Variants in CCDC117 observed in about 807,000 individuals in gnomAD.
The protein encoded by CCDC117 is coiled-coil domain containing 117, also known as coiled-coil domain-containing protein 117.
A neutral mutation model predicts 23.5 loss-of-function variants in CCDC117; 1 was observed. The observed-to-expected ratio is 0.04, with a 90% CI of 0.02 to 0.20. CCDC117 has a LOEUF of 0.20. CCDC117 is among the 10% of genes least tolerant of loss of function. The pLI is 1.00. For missense variants in CCDC117, 383 were observed against 348.2 expected (o/e 1.10, Z -0.80); for synonymous variants, 132 against 124.8 (o/e 1.06, Z -0.39).
rs1475984977 is a variant in CCDC117 at position 28,772,955 on chromosome 22, G to A, written c.106G>A (p.Ala36Thr). Residue 36 changes from alanine (A) to threonine (T), a missense_variant, in exon 1 of 5, where the codon GCT (alanine) becomes ACT (threonine). Ala to Thr is a moderately conservative substitution (Grantham distance 58). Coordinates refer to ENST00000249064, the MANE Select transcript of CCDC117 (RefSeq NM_173510.4). ...CCCCGGCCGGGCCTTCCCGCCGGGG[G>A]CTGACGGCGCCGAGTTGGCCCCGCG... ...AFPGRAFPPG[A>T]DGAELAPRPG... 6 of 1,213,852 alleles carry A rather than the reference G, an allele frequency of 4.9e-6. No individual in the cohort carries two copies. In the East Asian group the frequency reaches 1.3e-4, roughly 27 times the overall value. 75.2% of individuals were successfully genotyped at this position (1,213,852 alleles called of 1,614,324 possible). A position where few individuals can be genotyped will look rare whatever the true frequency, so the allele number is the denominator to read the frequency against.
chr22:28,780,730 T>TA (rs1008491183), intron 2 of CCDC117, among the ~76,000 whole-genome samples: 5 of 152,182 alleles, frequency 3.3e-5, no homozygotes, highest in Admixed American at 3.3e-4. Flanking sequence ...GGCAGAATCT[T>TA]ACAGGTGCAT....
intron 3 of CCDC117, 111 bp from the exon 4 acceptor site, chr22:28,783,397 A>G: frequency 9.7e-7 from 1 of 1,033,046 alleles, no homozygotes; most frequent in Admixed American, 2.5e-5. Flanking sequence ...CTATTGCTGT[A>G]TTACTTACTG....
At chr22:28,785,846 C>T (rs2031493974) in intron 4 of CCDC117, among the ~76,000 whole-genome samples, 1 of 151,522 alleles carries the variant, frequency 6.6e-6, no homozygotes, top group African/African-American at 2.4e-5. Flanking sequence ...TTGCTTGACC[C>T]CAGGAGTTAA....
At position 28,789,207 on chromosome 22, in the gene CCDC117, C is replaced by A. The variant is rs540551835; in HGVS notation, c.*2881C>A. 1 of 152,218 alleles carries A rather than the reference C, an allele frequency of 6.6e-6. No homozygotes were observed. The highest frequency in any genetic ancestry group is 2.4e-5 in the African/African-American group (1 of 41,542). 9.4% of individuals were successfully genotyped at this position (152,218 alleles called of 1,614,324 possible). ...AGAATGGTTCAGTTCTAGGAATGTT[C>A]TGGAAGATGCTGTTAATTTTACTTT... On this transcript the variant is annotated 3_prime_UTR_variant, in exon 5 of 5. Coordinates refer to ENST00000249064, the MANE Select transcript of CCDC117 (RefSeq NM_173510.4).
Position 28,782,991 on chromosome 22 carries a change from AT to A in CCDC117, c.465-515del, listed in dbSNP as rs747171360. Among the ~76,000 whole-genome samples, 6 of 151,912 alleles carry A rather than the reference AT, an allele frequency of 3.9e-5. No homozygotes were observed. In the East Asian group the frequency reaches 1.2e-3, roughly 29 times the overall value. ...TTCTCTGAAATATTATTCAGATTTG[AT>A]TATATGTAAAACTTTTTCGTTAAAT... On this transcript the variant is annotated intron_variant, in intron 3 of 4. Coordinates refer to ENST00000249064, the MANE Select transcript of CCDC117 (RefSeq NM_173510.4).
rs2031502902 is a variant in CCDC117, at chr22:28,786,175, A to G, written c.689A>G (p.Asn230Ser). 1.9e-6 allele frequency: 3 copies of G among 1,614,138 alleles called. No homozygotes were observed. The highest frequency in any genetic ancestry group is 2.5e-6 in the Non-Finnish European group (3 of 1,179,992). ...CCAAAGCCATCCTCTAATACTAAGAACTATACAGGAGAGAGCCAAGCTAAG... is the reference window on the plus strand; with the variant it reads ...CCAAAGCCATCCTCTAATACTAAGAGCTATACAGGAGAGAGCCAAGCTAAG... ...DKPKPSSNTK[N>S]YTGESQAKHV... The change falls in exon 5 of 5, where the codon AAC becomes AGC. Residue 230 changes from asparagine (N) to serine (S), a missense_variant. Coordinates refer to ENST00000249064, the MANE Select transcript of CCDC117 (RefSeq NM_173510.4).
chr22:28,774,765 G>C (rs1051042435), intron 2 of CCDC117, among the ~76,000 whole-genome samples: 2 of 151,954 alleles, frequency 1.3e-5, no homozygotes, highest in African/African-American at 4.8e-5. Flanking sequence ...AATTTACCAA[G>C]TTCACAAGTG....
At chr22:28,775,308 GT>G (rs1900772340) in intron 2 of CCDC117, among the ~76,000 whole-genome samples, 1 of 152,106 alleles carries the variant, frequency 6.6e-6, no homozygotes, top group African/African-American at 2.4e-5. Flanking sequence ...GTAGGACTTG[GT>G]GTAGATAATT....
intron 2 of CCDC117, among the ~76,000 whole-genome samples, chr22:28,775,739 A>C (rs1489541008): frequency 2.0e-5 from 3 of 152,052 alleles, no homozygotes. Context: ...TCTGCTAAAA[A>C]TACAAAAATT....
intron 1 of CCDC117, 36 bp downstream of exon 1, chr22:28,773,070 C>CA (rs569198478): frequency 0.02 from 1,317 of 64,952 alleles, 18 homozygotes; most frequent in African/African-American, 0.12. Flanking sequence ...GCAGGGCGGG[C>CA]GGGCGGGCGG....
chr22:28,781,335 G>GTT lies in CCDC117; in HGVS notation c.464+195_464+196dup, dbSNP rs1179781447. Among the ~76,000 whole-genome samples the GTT allele has an allele frequency of 3.2e-3, 48 of 14,822 alleles. 17 individuals carry two copies. The highest frequency in any genetic ancestry group is 0.011 in the South Asian group (2 of 190). 9.7% of individuals were successfully genotyped at this position (14,822 alleles called of 152,430 possible). On this transcript the variant is annotated intron_variant, in intron 3 of 4. Transcript: ENST00000249064. The stretch of plus-strand genomic sequence containing the variant: ...GTATTCGTTTTTGTTTTTTTGTTTT[G>GTT]TTTTTTTTTTTTTTTTTTTTTTTTT...
Position 28,787,811 on chromosome 22 carries a change from G to A in CCDC117, c.*1485G>A, listed in dbSNP as rs764612293. ...ATAATGCCCTTCCATCACACAACAG[G>A]ACACCACCCCAGTTTTGTTTTCTGG... On this transcript the variant is annotated 3_prime_UTR_variant, in exon 5 of 5. Transcript: ENST00000249064. 9.9e-5 allele frequency: 15 copies of A among 152,186 alleles called. No homozygotes were observed. The highest frequency in any genetic ancestry group is 1.5e-4 in the Non-Finnish European group (10 of 67,994). The allele number at this position is 152,186 out of a possible 1,614,324, so 9.4% of individuals were successfully genotyped here.
chr22:28,783,695 C>T (rs201017004), intron 4 of CCDC117, 50 bp downstream of exon 4: 1 of 1,562,702 alleles, frequency 6.4e-7, no homozygotes, highest in Non-Finnish European at 8.8e-7. Context: ...GGAGGGAAGA[C>T]CCAATGTCTA....
At chr22:28,775,217 C>T (rs534668148) in intron 2 of CCDC117, among the ~76,000 whole-genome samples, 4 of 152,170 alleles carry the variant, frequency 2.6e-5, no homozygotes, top group South Asian at 2.1e-4. Context: ...GCCAAGATTG[C>T]GCCATTGCAC....
Position 28,781,158 on chromosome 22 carries a change from G to T in CCDC117, c.450G>T (p.Gln150His). The change falls in exon 3 of 5, where the codon CAG becomes CAT. Residue 150 changes from glutamine (Q) to histidine (H), a missense_variant. Physicochemically the swap from Gln to His is conservative, Grantham distance 24. Coordinates refer to ENST00000249064, the MANE Select transcript of CCDC117 (RefSeq NM_173510.4). ...GTGAAGTTGCCCGAAGGAAGCTTCA[G>T]GAGATTGAGGACAGGTAAATGGGCA... is the stretch of plus-strand genomic sequence containing the variant. ...PQCEVARRKL[Q>H]EIEDRIIDED... The T allele has an allele frequency of 6.2e-7, 1 of 1,611,742 alleles. No individual in the cohort carries two copies. Among genetic ancestry groups the T allele is most frequent in the Non-Finnish European group, 8.5e-7 (1 of 1,178,124 alleles).
At chr22:28,779,167 A>G (rs1173809094) in intron 2 of CCDC117, among the ~76,000 whole-genome samples, 5 of 151,506 alleles carry the variant, frequency 3.3e-5, no homozygotes, top group Non-Finnish European at 7.4e-5. Flanking sequence ...AAGTATAACT[A>G]TTTTCTGCTT....
intron 1 of CCDC117, 115 bp downstream of exon 1, chr22:28,773,149 C>T (rs1032937876): frequency 5.6e-5 from 17 of 301,134 alleles, no homozygotes; most frequent in African/African-American, 1.4e-4. Flanking sequence ...TTTTTGACTC[C>T]CTCCCCACGG....
intron 2 of CCDC117, among the ~76,000 whole-genome samples, chr22:28,777,585 C>T (rs1031685086): frequency 6.6e-6 from 1 of 150,880 alleles, no homozygotes; most frequent in African/African-American, 2.4e-5. Flanking sequence ...TCTTGACTCA[C>T]TTTAACCTCC....
intron 2 of CCDC117, among the ~76,000 whole-genome samples, chr22:28,774,391 T>TTA (rs1491071776): frequency 2.0e-5 from 3 of 148,474 alleles, no homozygotes; most frequent in Non-Finnish European, 4.5e-5. Flanking sequence ...TTTTTTTTTT[T>TTA]AAAGTCAGGG....
Sources: allele counts gnomAD v4.1 joint callset (sites outside exome capture counted in the v4.1 genomes callset), GRCh38; gene constraint gnomAD v4.1.1; transcripts MANE v1.5; gene names NCBI Gene and HGNC (gene_info 2026-07-23, HGNC 2026-07-21).